POLA1: variants seen among roughly 807,000 people sequenced by gnomAD.
POLA1 encodes the protein DNA polymerase alpha catalytic subunit.
Under a neutral mutation model 124.0 loss-of-function variants are expected in POLA1, and 15 were observed. The ratio of observed to expected loss-of-function variants is 0.12; its 90% CI spans 0.08 to 0.19. The LOEUF is 0.19. Among genes scored for constraint, POLA1 ranks in the 10% least tolerant of loss-of-function variants. POLA1 has a pLI of 1.00. For synonymous variants in POLA1, 408 were observed against 389.4 expected, an observed-to-expected ratio of 1.05 and a Z score of -0.56; for missense variants, 886 against 1,103.4, an observed-to-expected ratio of 0.80 and a Z score of 2.79.
At chrX:24,704,089 T>A (rs971111642) in intron 3 of POLA1, among the ~76,000 whole-genome samples, 2 of 112,074 alleles carry the variant, frequency 1.8e-5, no homozygotes, top group African/African-American at 6.5e-5. Context: ...TTTTTATTCT[T>A]CTGGTAGAGT....
At chrX:24,884,151 TA>T (rs1044319387) in intron 34 of POLA1, among the ~76,000 whole-genome samples, 27 of 111,555 alleles carry the variant, frequency 2.4e-4, no homozygotes, top group African/African-American at 7.2e-4. Flanking sequence ...TTATTTTTAT[TA>T]AAAAAAATTT....
intron 23 of POLA1, among the ~76,000 whole-genome samples, chrX:24,745,094 G>A (rs1407460135): frequency 9.3e-6 from 1 of 107,245 alleles, no homozygotes; most frequent in Non-Finnish European, 1.9e-5. Context: ...GATGTGACAC[G>A]TCTCAGATAG....
In POLA1 at chrX:24,977,332, T is replaced by C. The variant is rs145857483; in HGVS notation, c.4262-18473T>C. Among the ~76,000 whole-genome samples, 1,009 of 112,875 alleles carry C rather than the reference T, an allele frequency of 8.9e-3. 5 individuals are homozygous for C. Among genetic ancestry groups the C allele is most frequent in the Middle Eastern group, 0.014 (3 of 218 alleles). On this transcript the variant is annotated intron_variant, in intron 36 of 36. Transcript: ENST00000379068. ...TACAGAATTCTAGGCTGGAACTCAG[T>C]GTTCCTCATAATTTTGAAAACATTG... is the stretch of plus-strand genomic sequence containing the variant.
chrX:24,731,273 T>C (rs1055905066), intron 15 of POLA1, among the ~76,000 whole-genome samples: 10 of 111,997 alleles, frequency 8.9e-5, no homozygotes, highest in Admixed American at 1.9e-4. Flanking sequence ...GGGCACTCTC[T>C]AGGACAAACA....
intron 26 of POLA1, among the ~76,000 whole-genome samples, chrX:24,774,042 G>A (rs1026831449): frequency 1.8e-5 from 2 of 111,566 alleles, no homozygotes; most frequent in African/African-American, 6.5e-5. Flanking sequence ...AAAAGAGAGG[G>A]CTTCTTTGGC....
At chrX:24,716,092 A>C (rs1460620504) in intron 6 of POLA1, among the ~76,000 whole-genome samples, 1 of 111,577 alleles carries the variant, frequency 9.0e-6, no homozygotes, top group Non-Finnish European at 1.9e-5. Flanking sequence ...TTTTAAATGT[A>C]ATATTCTCAA....
At chrX:24,708,310 C>A (rs933338898) in intron 4 of POLA1, among the ~76,000 whole-genome samples, 1 of 109,874 alleles carries the variant, frequency 9.1e-6, no homozygotes, top group African/African-American at 3.3e-5. Context: ...TACAGATCTC[C>A]TGTCTCACAT....
intron 36 of POLA1, among the ~76,000 whole-genome samples, chrX:24,938,841 C>T (rs1404203283): frequency 8.9e-6 from 1 of 112,394 alleles, no homozygotes; most frequent in Admixed American, 9.4e-5. Context: ...AAGAAATGGT[C>T]ACTTTAGTTG....
In POLA1 at chrX:24,802,961, G is replaced by A. The variant is rs975307049; in HGVS notation, c.2965-6937G>A. On this transcript the variant is annotated intron_variant, in intron 26 of 36. Coordinates refer to ENST00000379068, the MANE Select transcript of POLA1 (RefSeq NM_001330360.2). ...TGCAGTGAGCCGAGATCGTGCCACTGCACTCCCAGCCTGGGCGACAGAGCA... is the reference window on the plus strand; with the variant it reads ...TGCAGTGAGCCGAGATCGTGCCACTACACTCCCAGCCTGGGCGACAGAGCA... Among the ~76,000 whole-genome samples, 50 of 111,490 alleles carry A rather than the reference G, an allele frequency of 4.5e-4. 1 individual carries two copies. Among genetic ancestry groups the A allele is most frequent in the Non-Finnish European group, 8.5e-4 (45 of 53,052 alleles).
At position 24,861,320 on chromosome X, in the gene POLA1, T is replaced by C. The variant is rs904853392; in HGVS notation, c.4047+17643T>C. Among the ~76,000 whole-genome samples the C allele has an allele frequency of 2.1e-4, 24 of 111,839 alleles. 1 individual carries two copies. The highest frequency in any genetic ancestry group is 1.5e-4 in the Non-Finnish European group (8 of 53,132). On this transcript the variant is annotated intron_variant, in intron 34 of 36. Transcript: ENST00000379068. ...GCTAATTTTTGTATTTTTGTAGAGA[T>C]GGGCTTTCGCCATGTTTCCCAAGCT...
rs1569310358 is a variant in POLA1, at chrX:24,788,244, C to G, written c.2965-21654C>G. 1.2e-5 allele frequency: 7 copies of G among 578,847 alleles called. No individual in the cohort carries two copies. In the East Asian group the frequency reaches 2.2e-4, roughly 19 times the overall value. 47.7% of individuals were successfully genotyped at this position (578,847 alleles called of 1,213,427 possible). ...ACAATAAAGGCCATGTATGACAAGC[C>G]CACAGCTAACATCATACACAACAGT... On this transcript the variant is annotated intron_variant, in intron 26 of 36. Coordinates refer to ENST00000379068, the MANE Select transcript of POLA1 (RefSeq NM_001330360.2).
intron 34 of POLA1, among the ~76,000 whole-genome samples, chrX:24,848,136 C>A (rs2046500587): frequency 8.9e-6 from 1 of 112,196 alleles, no homozygotes; most frequent in African/African-American, 3.2e-5. Flanking sequence ...AAGAATCTAT[C>A]TCTATATAAC....
chrX:24,766,036 AT>A (rs1474266327), intron 26 of POLA1, among the ~76,000 whole-genome samples: 1 of 112,495 alleles, frequency 8.9e-6, no homozygotes, highest in Admixed American at 9.4e-5. Flanking sequence ...CTGATCACTT[AT>A]TTGAACTGCT....
rs1432944114 is a variant in POLA1 at position 24,748,361 on chromosome X, G to C, written c.2742G>C (p.Met914Ile). Residue 914 changes from methionine (M) to isoleucine (I), a missense_variant, in exon 25 of 37, where the codon ATG becomes ATC. By Grantham distance (10) the Met-to-Ile change is conservative. This residue lies in a region of POLA1 where 182 missense variants were observed against 252.8 expected (regional missense o/e 0.72). Transcript: ENST00000379068. ...AGTTGCCAGATCCAAGCTTAGAAAT[G>C]GGCATTTTGCCCAGAGAGATCCGGA... Reference protein sequence around the residue: ...IPELPDPSLEMGILPREIRKL... With the variant: ...IPELPDPSLEIGILPREIRKL... 1 of 1,194,669 alleles carries C rather than the reference G, an allele frequency of 8.4e-7. No homozygotes were observed. Among genetic ancestry groups the C allele is most frequent in the East Asian group, 3.0e-5 (1 of 33,705 alleles).
rs150437921 is a variant in POLA1, at chrX:24,805,915, G to A, written c.2965-3983G>A. On this transcript the variant is annotated intron_variant, in intron 26 of 36. Transcript: ENST00000379068. The stretch of plus-strand genomic sequence containing the variant: ...AAGTGAACTTATGAATGGTCATCTT[G>A]TAATCATTGTACCTTGTGTCTAGTA... Among the ~76,000 whole-genome samples the A allele has an allele frequency of 1.4e-4, 15 of 110,341 alleles. No individual in the cohort carries two copies. In the East Asian group the frequency reaches 2.5e-3, roughly 19 times the overall value.
At chrX:24,871,696 G>A (rs1467990469) in intron 34 of POLA1, among the ~76,000 whole-genome samples, 1 of 110,887 alleles carries the variant, frequency 9.0e-6, no homozygotes, top group African/African-American at 3.3e-5. Flanking sequence ...AGAAGGGACT[G>A]AGGCCCTTAA....
intron 36 of POLA1, among the ~76,000 whole-genome samples, chrX:24,954,861 C>T (rs1197847459): frequency 9.0e-6 from 1 of 111,278 alleles, no homozygotes; most frequent in Non-Finnish European, 1.9e-5. Flanking sequence ...GCAGGCTGGC[C>T]CAGGTGAAGG....
At chrX:24,889,089 C>T (rs1362961880) in intron 35 of POLA1, among the ~76,000 whole-genome samples, 2 of 111,141 alleles carry the variant, frequency 1.8e-5, no homozygotes, top group East Asian at 5.6e-4. Context: ...AGGCTCATCT[C>T]GGAGTCCTGG....
chrX:24,876,687 G>GC (rs1415075047), intron 34 of POLA1, among the ~76,000 whole-genome samples: 2 of 102,982 alleles, frequency 1.9e-5, no homozygotes, highest in Non-Finnish European at 4.0e-5. Flanking sequence ...GGGTCGGGGG[G>GC]GGGGATAGTG....
Sources: gnomAD v4.1 joint callset for allele counts (sites outside exome capture counted in the v4.1 genomes callset) on GRCh38, gnomAD v4.1.1 for gene constraint, gnomAD v4.1.1 regional missense constraint, MANE v1.5 for transcripts, NCBI Gene and HGNC (gene_info 2026-07-23, HGNC 2026-07-21) for gene names.